The following TRPC1 variants were observed in gnomAD, a reference collection of about 807,000 sequenced individuals.
TRPC1 encodes short transient receptor potential channel 1.
A neutral mutation model predicts 88.2 loss-of-function variants in TRPC1; 42 were observed. The observed-to-expected ratio is 0.48, with a 90% CI of 0.37 to 0.62. The LOEUF (loss-of-function observed/expected upper bound fraction) is 0.62, where lower values mean the gene tolerates loss of function less well. TRPC1 is among the 20% of genes least tolerant of loss of function. The probability of loss-of-function intolerance (pLI) is 0.00; values close to 1 mark genes in which losing one functional copy is unlikely to be tolerated. For missense variants in TRPC1, 699 were observed against 957.3 expected (o/e 0.73, Z 3.56); for synonymous variants, 288 against 331.8 (o/e 0.87, Z 1.43).
intron 7 of TRPC1, among the ~76,000 whole-genome samples, chr3:142,790,213 T>C (rs1012783518): frequency 1.3e-5 from 2 of 151,992 alleles, no homozygotes; most frequent in Admixed American, 6.6e-5. Context: ...GCAGGAGTCA[T>C]GTGTTCAAAG....
chr3:142,797,176 T>G (rs1050982573), intron 9 of TRPC1, among the ~76,000 whole-genome samples: 3 of 93,662 alleles, frequency 3.2e-5, no homozygotes, highest in South Asian at 2.9e-4. Context: ...AAAAAGGTTG[T>G]TTTTTTTTTT....
At chr3:142,725,608 C>T (rs1418396386) in intron 1 of TRPC1, among the ~76,000 whole-genome samples, 1 of 152,074 alleles carries the variant, frequency 6.6e-6, no homozygotes, top group Non-Finnish European at 1.5e-5. Context: ...AAATTGATTG[C>T]CCTAAGACTG....
chr3:142,758,115 C>T (rs1435180317), intron 4 of TRPC1, among the ~76,000 whole-genome samples: 3 of 152,138 alleles, frequency 2.0e-5, no homozygotes, highest in Non-Finnish European at 4.4e-5. Context: ...CTAACACCCC[C>T]ACCACCCTCA....
rs1936078565 is a variant in TRPC1, at chr3:142,784,760, G to C, written c.1017G>C (p.Met339Ile). 6.8e-6 allele frequency: 11 copies of C among 1,614,104 alleles called. No homozygotes were observed. Among genetic ancestry groups the C allele is most frequent in the Non-Finnish European group, 9.3e-6 (11 of 1,180,002 alleles). The change falls in exon 7 of 13, where the codon ATG (methionine) becomes ATC (isoleucine). Residue 339 changes from methionine to isoleucine, a missense_variant. Transcript: ENST00000476941. ...TGAACACTGTTTGGTTTGGACAGAT[G>C]TCGGGTTACCGACGCAAGCCCACCT... ...QFLNTVWFGQ[M>I]SGYRRKPTCK...
rs1468010385 is a variant in TRPC1, at chr3:142,766,124, A to G, written c.633-11508A>G. 2.0e-5 allele frequency among the ~76,000 whole-genome samples: 3 copies of G among 152,168 alleles called. 1 individual carries two copies. The highest frequency in any genetic ancestry group is 4.4e-5 in the Non-Finnish European group (3 of 68,026). On this transcript the variant is annotated intron_variant, in intron 4 of 12. Coordinates refer to ENST00000476941, the MANE Select transcript of TRPC1 (RefSeq NM_001251845.2). ...ACATCAATATAACTCTGTACTGATT[A>G]CTATCGCTTTATAGTAAGTTTTAAA...
intron 4 of TRPC1, among the ~76,000 whole-genome samples, chr3:142,748,746 C>G (rs1449171949): frequency 1.3e-5 from 2 of 152,144 alleles, no homozygotes; most frequent in Admixed American, 6.5e-5. Context: ...TTTATTAATC[C>G]AAGAGAAGTT....
intron 1 of TRPC1, among the ~76,000 whole-genome samples, chr3:142,734,212 T>C (rs1404742262): frequency 6.6e-6 from 1 of 152,172 alleles, no homozygotes; most frequent in Admixed American, 6.5e-5. Flanking sequence ...TACTTTCAGA[T>C]AATTAAACTG....
Position 142,804,615 on chromosome 3 carries a change from G to A in TRPC1, c.2139G>A (p.Arg713=), listed in dbSNP as rs1475341612. 1.2e-6 allele frequency: 2 copies of A among 1,602,724 alleles called. No individual in the cohort carries two copies. Among genetic ancestry groups the A allele is most frequent in the Admixed American group, 1.7e-5 (1 of 57,438 alleles). The change falls in exon 12 of 13, where the codon CGG becomes CGA. Residue 713 remains arginine (R), a synonymous_variant. Coordinates refer to ENST00000476941, the MANE Select transcript of TRPC1 (RefSeq NM_001251845.2). ...CSHTSKGKVK[R]QNSLKEWRNL... ...ATACATCAAAAGGCAAGGTCAAACG[G>A]CAAAACAGTTTAAAGGTAAGAAATT...
At position 142,724,358 on chromosome 3, in the gene TRPC1, C is replaced by G; in HGVS notation, c.-202C>G. 2 of 402,670 alleles carry G rather than the reference C, an allele frequency of 5.0e-6. No homozygotes were observed. Among genetic ancestry groups the G allele is most frequent in the Middle Eastern group, 6.6e-4 (1 of 1,510 alleles). 24.9% of individuals were successfully genotyped at this position (402,670 alleles called of 1,614,324 possible). Reference sequence around the variant, plus strand: ...CCCGGGGCCGCGCATGCGCCGCCACCAACTTGGGGCTGTCAGTGGAGGGCG... The same window carrying G: ...CCCGGGGCCGCGCATGCGCCGCCACGAACTTGGGGCTGTCAGTGGAGGGCG... On this transcript the variant is annotated 5_prime_UTR_variant, in exon 1 of 13. Coordinates refer to ENST00000476941, the MANE Select transcript of TRPC1 (RefSeq NM_001251845.2). This position sits in a 1 kb window ranked among gnomAD's most constrained non-coding sequence, Gnocchi z 5.6.
chr3:142,763,106 T>C (rs1935242706), intron 4 of TRPC1, among the ~76,000 whole-genome samples: 1 of 152,168 alleles, frequency 6.6e-6, no homozygotes, highest in South Asian at 2.1e-4. Context: ...TTCTGGAAAA[T>C]GTTTCATGTG....
chr3:142,792,788 G>A lies in TRPC1; in HGVS notation c.1438-36G>A, dbSNP rs763919887. 2 of 1,500,536 alleles carry A rather than the reference G, an allele frequency of 1.3e-6. No individual in the cohort carries two copies. Among genetic ancestry groups the A allele is most frequent in the East Asian group, 2.5e-5 (1 of 40,114 alleles). The allele number at this position is 1,500,536 out of a possible 1,614,324, so 93.0% of individuals were successfully genotyped here. On this transcript the variant is annotated intron_variant, in intron 8 of 12. Transcript: ENST00000476941. This position sits in a 1 kb window ranked among gnomAD's most constrained non-coding sequence, Gnocchi z 4.0. ...GCTTTTATTTTCCTAAATTGAGAGA[G>A]CTTATTTACCTTTGGCTTTTTCTTC...
rs1039973677 is a variant in TRPC1 at position 142,806,196 on chromosome 3, T to C, written c.2343T>C (p.Phe781=). Residue 781 remains phenylalanine (F), a synonymous_variant, in exon 13 of 13, where the codon TTT becomes TTC. Transcript: ENST00000476941. ...FRNEIRDLLG[F]RTSKYAMFYP... ...ATGAAATAAGGGATTTACTTGGCTTTCGGACTTCTAAATATGCTATGTTTT... is the reference window on the plus strand; with the variant it reads ...ATGAAATAAGGGATTTACTTGGCTTCCGGACTTCTAAATATGCTATGTTTT... 8.1e-6 allele frequency: 13 copies of C among 1,613,210 alleles called. No homozygotes were observed. Among genetic ancestry groups the C allele is most frequent in the Non-Finnish European group, 1.0e-5 (12 of 1,179,284 alleles).
chr3:142,733,040 C>T (rs1933990208), intron 1 of TRPC1, among the ~76,000 whole-genome samples: 1 of 151,926 alleles, frequency 6.6e-6, no homozygotes, highest in Admixed American at 6.6e-5. Flanking sequence ...GCTTAGCAAC[C>T]ACTCTAGGTT....
intron 4 of TRPC1, among the ~76,000 whole-genome samples, chr3:142,775,091 A>G (rs1935718288): frequency 6.6e-6 from 1 of 151,878 alleles, no homozygotes; most frequent in Non-Finnish European, 1.5e-5. Context: ...GTTTTTTGAC[A>G]GTGTAGTATA....
intron 4 of TRPC1, among the ~76,000 whole-genome samples, chr3:142,753,032 CAT>C (rs1553801995): frequency 2.6e-5 from 4 of 152,188 alleles, no homozygotes; most frequent in Non-Finnish European, 5.9e-5. Flanking sequence ...TTCCTTTCTG[CAT>C]AGACACAGTG....
rs2107997195 is a variant in TRPC1, at chr3:142,724,513, T to G, written c.-47T>G. On this transcript the variant is annotated 5_prime_UTR_variant, in exon 1 of 13. Coordinates refer to ENST00000476941, the MANE Select transcript of TRPC1 (RefSeq NM_001251845.2). This position sits in a 1 kb window ranked among gnomAD's most constrained non-coding sequence, Gnocchi z 5.6. ...GGGTCGGGGTCGGGGTCGGGGCCGG[T>G]GGGGGCCCCGCCCCCGTCTCCTGGC... 11 of 1,448,770 alleles carry G rather than the reference T, an allele frequency of 7.6e-6. No individual in the cohort carries two copies. The highest frequency in any genetic ancestry group is 6.3e-6 in the Non-Finnish European group (7 of 1,103,548). The allele number at this position is 1,448,770 out of a possible 1,614,324, so 89.7% of individuals were successfully genotyped here. A position where few individuals can be genotyped will look rare whatever the true frequency, so the allele number is the denominator to read the frequency against.
intron 4 of TRPC1, among the ~76,000 whole-genome samples, chr3:142,753,997 A>G (rs1386568783): frequency 6.8e-6 from 1 of 146,854 alleles, no homozygotes; most frequent in Non-Finnish European, 1.5e-5. Flanking sequence ...AGGTGGGAGG[A>G]TTACCTGTGC....
rs770686163 is a variant in TRPC1, at chr3:142,804,123, T to A, written c.1904T>A (p.Ile635Asn). ...IVGTYNVVVV[I>N]VLTKLLVAML... ...GGTACATACAATGTCGTGGTTGTGATTGTGCTTACCAAACTGCTGGTGGCA... is the reference window on the plus strand; with the variant it reads ...GGTACATACAATGTCGTGGTTGTGAATGTGCTTACCAAACTGCTGGTGGCA... The change falls in exon 11 of 13, where the codon ATT becomes AAT. Residue 635 changes from isoleucine (I) to asparagine (N), a missense_variant. This residue lies in a region of TRPC1 where 426 missense variants were observed against 641.3 expected (regional missense o/e 0.66). Transcript: ENST00000476941. 3.7e-6 allele frequency: 6 copies of A among 1,613,944 alleles called. No individual in the cohort carries two copies. Among genetic ancestry groups the A allele is most frequent in the Non-Finnish European group, 5.1e-6 (6 of 1,179,904 alleles).
chr3:142,762,125 T>G (rs1199661550), intron 4 of TRPC1, among the ~76,000 whole-genome samples: 1 of 152,016 alleles, frequency 6.6e-6, no homozygotes, highest in Non-Finnish European at 1.5e-5. Flanking sequence ...AGCCTTGACC[T>G]CCTATGCTCA....
Sources: gnomAD v4.1 joint callset for allele counts (sites outside exome capture counted in the v4.1 genomes callset) on GRCh38, gnomAD v4.1.1 for gene constraint, gnomAD v4.1.1 regional missense constraint, Gnocchi (gnomAD v3.1) non-coding constraint, MANE v1.5 for transcripts, NCBI Gene and HGNC (gene_info 2026-07-23, HGNC 2026-07-21) for gene names.